Variants in CEP112 observed in about 807,000 individuals in gnomAD.
CEP112 encodes centrosomal protein of 112 kDa.
A neutral mutation model predicts 153.0 loss-of-function variants in CEP112; 127 were observed. That is an observed-to-expected ratio of 0.83 (90% CI 0.72 to 0.96). The LOEUF is 0.96. Among genes scored for constraint, CEP112 ranks in the 40% least tolerant of loss-of-function variants. The pLI is 0.00. For missense variants in CEP112, 1,089 were observed against 1,101.2 expected, an observed-to-expected ratio of 0.99 and a Z score of 0.16; for synonymous variants, 358 against 374.4, an observed-to-expected ratio of 0.96 and a Z score of 0.51.
intron 20 of CEP112, among the ~76,000 whole-genome samples, chr17:65,896,453 G>T (rs1598921890): frequency 6.6e-6 from 1 of 151,982 alleles, no homozygotes; most frequent in East Asian, 1.9e-4. Context: ...CAAAATGTAA[G>T]CTTTACTTAA....
chr17:66,084,982 A>G (rs1045314620), intron 8 of CEP112, among the ~76,000 whole-genome samples: 1 of 152,196 alleles, frequency 6.6e-6, no homozygotes, highest in Non-Finnish European at 1.5e-5. Context: ...TTAAAAAGTT[A>G]AAAATAGAAG....
intron 17 of CEP112, among the ~76,000 whole-genome samples, chr17:65,970,586 T>C (rs972756056): frequency 6.6e-6 from 1 of 152,036 alleles, no homozygotes; most frequent in Admixed American, 6.5e-5. Flanking sequence ...ATTGCGTGCA[T>C]TTTATATATT....
In CEP112 at chr17:65,738,866, A is replaced by G. The variant is rs150401282; in HGVS notation, c.2607+4202T>C. On this transcript the variant is annotated intron_variant, in intron 23 of 26. Coordinates refer to ENST00000535342, the MANE Select transcript of CEP112 (RefSeq NM_001199165.4). ...CCTTTAGTATAGACTACTGTGGTAGATTTAAAATGGCCTCAAATTCTATGC... is the reference window on the plus strand; with the variant it reads ...CCTTTAGTATAGACTACTGTGGTAGGTTTAAAATGGCCTCAAATTCTATGC... Among the ~76,000 whole-genome samples, 404 of 152,316 alleles carry G rather than the reference A, an allele frequency of 2.7e-3. 2 individuals carry two copies. The highest frequency in any genetic ancestry group is 9.5e-3 in the African/African-American group (396 of 41,574).
At chr17:65,989,234 CAA>C (rs749855250) in intron 17 of CEP112, among the ~76,000 whole-genome samples, 4 of 40,796 alleles carry the variant, frequency 9.8e-5, no homozygotes, top group African/African-American at 1.1e-4. Flanking sequence ...GACTCCATCT[CAA>C]AAAAAAAAAA....
chr17:65,904,937 T>C (rs992798856), intron 19 of CEP112, among the ~76,000 whole-genome samples: 5 of 152,264 alleles, frequency 3.3e-5, no homozygotes. Context: ...CCTTACACTT[T>C]ATACAAAAAT....
At chr17:66,140,009 A>G (rs1040649034) in intron 4 of CEP112, among the ~76,000 whole-genome samples, 2 of 152,258 alleles carry the variant, frequency 1.3e-5, no homozygotes, top group African/African-American at 4.8e-5. Flanking sequence ...CCTGAATAAC[A>G]TAGATGCAAA....
intron 18 of CEP112, among the ~76,000 whole-genome samples, chr17:65,952,892 T>C (rs1186095982): frequency 1.3e-5 from 2 of 152,196 alleles, no homozygotes; most frequent in African/African-American, 4.8e-5. Context: ...TCTTTTCATG[T>C]GGTTATTAGT....
intron 10 of CEP112, 121 bp downstream of exon 10, chr17:66,066,657 A>C: frequency 1.6e-6 from 1 of 619,528 alleles, no homozygotes; most frequent in Non-Finnish European, 2.5e-6. Context: ...TCCACTGATG[A>C]AACCCCACAT....
chr17:66,161,225 A>C (rs1183822208), intron 4 of CEP112, among the ~76,000 whole-genome samples: 4 of 152,220 alleles, frequency 2.6e-5, no homozygotes, highest in Non-Finnish European at 5.9e-5. Context: ...ATGCTTTTAC[A>C]CTGTTGGTGG....
intron 24 of CEP112, among the ~76,000 whole-genome samples, chr17:65,669,661 TG>T (rs2046870054): frequency 6.6e-6 from 1 of 152,102 alleles, no homozygotes; most frequent in South Asian, 2.1e-4. Context: ...CCCAGCACTT[TG>T]GGGGGCCAAG....
At chr17:65,956,954 C>T (rs2062024399) in intron 18 of CEP112, among the ~76,000 whole-genome samples, 1 of 152,052 alleles carries the variant, frequency 6.6e-6, no homozygotes, top group South Asian at 2.1e-4. Context: ...TATATAGCTG[C>T]ATTGTATAGG....
At chr17:65,941,580 A>G (rs2144488397) in intron 18 of CEP112, 1 of 152,336 alleles carries the variant, frequency 6.6e-6, no homozygotes, top group East Asian at 1.9e-4. Flanking sequence ...ATTCTGCTTC[A>G]TCATGCAATA....
At chr17:65,659,790 A>G (rs558231890) in intron 24 of CEP112, among the ~76,000 whole-genome samples, 1 of 152,348 alleles carries the variant, frequency 6.6e-6, no homozygotes, top group African/African-American at 2.4e-5. Flanking sequence ...AGCTTCAGAA[A>G]TACATAACTG....
At chr17:66,150,954 T>C (rs2071183662) in intron 4 of CEP112, among the ~76,000 whole-genome samples, 1 of 152,212 alleles carries the variant, frequency 6.6e-6, no homozygotes, top group Non-Finnish European at 1.5e-5. Context: ...ATTTGTCTTA[T>C]AATTTTTCCT....
chr17:65,976,729 C>CTTTTT (rs1377033565), intron 17 of CEP112, among the ~76,000 whole-genome samples: 1 of 22,898 alleles, frequency 4.4e-5, no homozygotes. Flanking sequence ...AAACTTATAA[C>CTTTTT]TTTTTCTTTT....
intron 4 of CEP112, among the ~76,000 whole-genome samples, chr17:66,147,255 T>C (rs1490381629): frequency 1.3e-5 from 2 of 152,200 alleles, no homozygotes; most frequent in Non-Finnish European, 2.9e-5. Context: ...TGGTTAGTGA[T>C]GTTGAGCAAC....
At chr17:66,186,380 C>T (rs943184433) in intron 1 of CEP112, among the ~76,000 whole-genome samples, 8 of 152,116 alleles carry the variant, frequency 5.3e-5, no homozygotes, top group Non-Finnish European at 1.5e-5. Context: ...CGGCTCACTG[C>T]AACCTCCACC....
Position 65,679,129 on chromosome 17 carries a change from C to CTTTTTTTTTTTTT in CEP112, c.2697+9987_2697+9999dup, listed in dbSNP as rs57907674. 2.8e-4 allele frequency among the ~76,000 whole-genome samples: 9 copies of CTTTTTTTTTTTTT among 31,630 alleles called. 3 individuals carry two copies. The highest frequency in any genetic ancestry group is 5.4e-4 in the Non-Finnish European group (9 of 16,756). The allele number at this position is 31,630 out of a possible 152,430, so 20.8% of individuals were successfully genotyped here. ...AATGTCCTTGACACTGTGGTTCAAG[C>CTTTTTTTTTTTTT]TTTTTTTTTTTTTTTTTTTTTTTTT... On this transcript the variant is annotated intron_variant, in intron 24 of 26. Transcript: ENST00000535342.
chr17:65,943,092 T>C (rs564445541), intron 18 of CEP112, among the ~76,000 whole-genome samples: 1 of 152,274 alleles, frequency 6.6e-6, no homozygotes, highest in South Asian at 2.1e-4. Flanking sequence ...TGTAGCTAGA[T>C]AGATACATAG....
Sources: allele counts gnomAD v4.1 joint callset (sites outside exome capture counted in the v4.1 genomes callset), GRCh38; gene constraint gnomAD v4.1.1; transcripts MANE v1.5; gene names NCBI Gene and HGNC (gene_info 2026-07-23, HGNC 2026-07-21).